The following PRKCH variants were observed in gnomAD, a reference collection of about 807,000 sequenced individuals.
The protein encoded by PRKCH is protein kinase C eta.
A neutral mutation model predicts 82.5 loss-of-function variants in PRKCH; 28 were observed. The observed-to-expected ratio is 0.34, with a 90% confidence interval of 0.25 to 0.47. PRKCH has a LOEUF of 0.47. Among genes scored for constraint, PRKCH ranks in the 20% least tolerant of loss-of-function variants. The pLI is 1.00. For synonymous variants in PRKCH, 322 were observed against 327.4 expected (o/e 0.98, Z 0.18); for missense variants, 705 against 881.8 (o/e 0.80, Z 2.54).
intron 12 of PRKCH, chr14:61,543,494 T>G (rs2043214042): frequency 6.6e-6 from 1 of 152,250 alleles, no homozygotes; most frequent in Non-Finnish European, 1.5e-5. Context: ...CCTGGTCCCC[T>G]CACTCACTCT....
intron 1 of PRKCH, among the ~76,000 whole-genome samples, chr14:61,201,156 A>G (rs965817831): frequency 2.6e-5 from 4 of 152,228 alleles, no homozygotes; most frequent in Non-Finnish European, 4.4e-5. Flanking sequence ...TTCCTAATGG[A>G]TTCATTCACG....
At chr14:61,433,746 AG>A (rs1452935979) in intron 2 of PRKCH, among the ~76,000 whole-genome samples, 3 of 152,380 alleles carry the variant, frequency 2.0e-5, no homozygotes, top group Non-Finnish European at 4.4e-5. Context: ...ACTTTTAAAA[AG>A]ATATGAAAAG....
intron 2 of PRKCH, among the ~76,000 whole-genome samples, chr14:61,415,706 A>G (rs1380622560): frequency 6.6e-6 from 1 of 152,206 alleles, no homozygotes; most frequent in East Asian, 1.9e-4. Flanking sequence ...CTACCTTCTG[A>G]ACCATTTGTA....
intron 11 of PRKCH, among the ~76,000 whole-genome samples, chr14:61,529,671 C>T (rs1464624363): frequency 4.2e-5 from 6 of 143,160 alleles, no homozygotes; most frequent in South Asian, 4.5e-4. Flanking sequence ...AACCAAACAC[C>T]GCATATTCTC....
At chr14:61,399,813 A>G (rs1881500831) in intron 2 of PRKCH, among the ~76,000 whole-genome samples, 1 of 152,194 alleles carries the variant, frequency 6.6e-6, no homozygotes, top group Non-Finnish European at 1.5e-5. Context: ...TCTATTTTGT[A>G]CAAGTTTTTG....
chr14:61,544,542 T>C (rs2043229351), intron 12 of PRKCH: 1 of 152,202 alleles, frequency 6.6e-6, no homozygotes, highest in Non-Finnish European at 1.5e-5. Context: ...TCAATGTCTC[T>C]GAGCGTTAGA....
chr14:61,483,391 G>A (rs1468191331), intron 9 of PRKCH, among the ~76,000 whole-genome samples: 1 of 152,216 alleles, frequency 6.6e-6, no homozygotes, highest in African/African-American at 2.4e-5. Context: ...CAGATGGCTT[G>A]CTGTATTTAC....
At chr14:61,287,776 A>G (rs1264261860) in intron 1 of PRKCH, among the ~76,000 whole-genome samples, 3 of 151,602 alleles carry the variant, frequency 2.0e-5, no homozygotes, top group Non-Finnish European at 4.4e-5. Context: ...CTTTATACCC[A>G]AGGTGAGGAC....
Position 61,453,329 on chromosome 14 carries a change from A to G in PRKCH, c.936A>G (p.Gln312=). The change falls in exon 7 of 14, where the codon CAA becomes CAG. Residue 312 remains glutamine, a synonymous_variant. Transcript: ENST00000332981. ...AGACCCTGGCAGGGATGGGTCTCCA[A>G]CCCGGAAATATTTCTCCAACCTCGG... ...LAKTLAGMGL[Q]PGNISPTSKL... The G allele has an allele frequency of 5.0e-6, 8 of 1,613,302 alleles. No individual in the cohort carries two copies. Among genetic ancestry groups the G allele is most frequent in the Non-Finnish European group, 6.8e-6 (8 of 1,179,582 alleles).
chr14:61,455,205 A>ATTT (rs10689613), intron 7 of PRKCH, among the ~76,000 whole-genome samples: 2,664 of 143,950 alleles, frequency 0.019, 38 homozygotes, highest in Non-Finnish European at 0.028. Flanking sequence ...AATTTTTTGT[A>ATTT]TTTTTTTTTT....
chr14:61,434,303 G>A (rs2140264931), intron 2 of PRKCH, among the ~76,000 whole-genome samples: 1 of 152,270 alleles, frequency 6.6e-6, no homozygotes, highest in South Asian at 2.1e-4. Context: ...TCATAGTGGG[G>A]TTGCACCTCC....
chr14:61,207,286 A>C (rs1243198233), intron 1 of PRKCH, among the ~76,000 whole-genome samples: 3 of 152,112 alleles, frequency 2.0e-5, no homozygotes, highest in Non-Finnish European at 4.4e-5. Context: ...TTTGCACATC[A>C]TGTGGAACCC....
At chr14:61,338,555 A>G (rs959536295) in intron 1 of PRKCH, among the ~76,000 whole-genome samples, 7 of 152,172 alleles carry the variant, frequency 4.6e-5, no homozygotes, top group Admixed American at 3.3e-4. Flanking sequence ...TCAAAATGGG[A>G]AAAAGCGAGA....
At chr14:61,345,007 G>A (rs1248704392) in intron 1 of PRKCH, among the ~76,000 whole-genome samples, 3 of 152,082 alleles carry the variant, frequency 2.0e-5, no homozygotes, top group Non-Finnish European at 4.4e-5. Context: ...GGCCAAGAGG[G>A]CTTCTTTCTG....
intron 5 of PRKCH, 83 bp downstream of exon 5, chr14:61,449,335 CTTTCCTCCCCCTCT>C: frequency 1.7e-6 from 2 of 1,169,946 alleles, no homozygotes; most frequent in Non-Finnish European, 2.5e-6. Context: ...TCCCTCCCTC[CTTTCCTCCCCCTCT>C]TTTCCTTCTC....
At chr14:61,234,290 C>T (rs550679610) in intron 1 of PRKCH, among the ~76,000 whole-genome samples, 70 of 152,262 alleles carry the variant, frequency 4.6e-4, no homozygotes, top group African/African-American at 1.6e-3. Context: ...TTATTACAGC[C>T]CTGGTCCTGT....
intron 1 of PRKCH, among the ~76,000 whole-genome samples, chr14:61,217,113 G>A (rs1213941545): frequency 6.6e-6 from 1 of 152,174 alleles, no homozygotes; most frequent in Non-Finnish European, 1.5e-5. Context: ...AGACAGACTG[G>A]GCGTGGTGGC....
At position 61,236,710 on chromosome 14, in the gene PRKCH, C is replaced by CAAA. The variant is rs35185475; in HGVS notation, c.-19+49061_-19+49063dup. The stretch of plus-strand genomic sequence containing the variant: ...CGACAGAGAAGACCCTGTCTCAAAA[C>CAAA]AAAAAAAAAAAAAAAAAAAAAGAAA... On this transcript the variant is annotated intron_variant, in intron 1 of 3. Coordinates refer to the PRKCH transcript ENST00000555185. 6.8e-3 allele frequency among the ~76,000 whole-genome samples: 595 copies of CAAA among 87,644 alleles called. 16 individuals are homozygous for CAAA. Among genetic ancestry groups the CAAA allele is most frequent in the African/African-American group, 0.028 (539 of 19,420 alleles). The allele number at this position is 87,644 out of a possible 152,430, so 57.5% of individuals were successfully genotyped here.
At chr14:61,319,085 A>G (rs1199379883), upstream of PRKCH, among the ~76,000 whole-genome samples, 2 of 152,188 alleles carry the variant, frequency 1.3e-5, no homozygotes, top group African/African-American at 4.8e-5. Flanking sequence ...ATAATGTCCA[A>G]GGCTTTCCTG....
Sources: gnomAD v4.1 joint callset for allele counts (sites outside exome capture counted in the v4.1 genomes callset) on GRCh38, gnomAD v4.1.1 for gene constraint, MANE v1.5 for transcripts, NCBI Gene and HGNC (gene_info 2026-07-23, HGNC 2026-07-21) for gene names.